TMEM117: variants seen among roughly 807,000 people sequenced by gnomAD.
TMEM117 encodes transmembrane protein 117.
Under a neutral mutation model 52.4 loss-of-function variants are expected in TMEM117, and 27 were observed. The ratio of observed to expected loss-of-function variants is 0.51; its 90% CI spans 0.38 to 0.71. The LOEUF is 0.71. Among genes scored for constraint, TMEM117 ranks in the 30% least tolerant of loss-of-function variants. The probability of loss-of-function intolerance (pLI) is 0.00; values close to 1 mark genes in which losing one functional copy is unlikely to be tolerated. For missense variants in TMEM117, 556 were observed against 630.5 expected, an observed-to-expected ratio of 0.88 and a Z score of 1.26; for synonymous variants, 215 against 206.3, an observed-to-expected ratio of 1.04 and a Z score of -0.36.
At chr12:44,397,960 C>T in the TMEM117 span, among the ~76,000 whole-genome samples, 1 of 152,080 alleles carries the variant, frequency 6.6e-6, no homozygotes, top group African/African-American at 2.4e-5. Context: ...GGCATTTTAC[C>T]ATCAGTTACC....
At chr12:43,932,831 A>G (rs903699981) in intron 2 of TMEM117, among the ~76,000 whole-genome samples, 1 of 152,216 alleles carries the variant, frequency 6.6e-6, no homozygotes, top group Non-Finnish European at 1.5e-5. Context: ...TTGCAGGTAC[A>G]AGACACCAGT....
chr12:44,237,617 T>C, intron 5 of TMEM117, among the ~76,000 whole-genome samples: 1 of 152,014 alleles, frequency 6.6e-6, no homozygotes, highest in Non-Finnish European at 1.5e-5. Flanking sequence ...CTTGGGAGGC[T>C]GAGTCAGGAG....
chr12:44,052,417 A>G (rs73089749), intron 3 of TMEM117, among the ~76,000 whole-genome samples: 9,649 of 152,208 alleles, frequency 0.063, 485 homozygotes, highest in African/African-American at 0.14. Context: ...AAGGAGGGTA[A>G]GGAACAGGAG....
intron 4 of TMEM117, among the ~76,000 whole-genome samples, chr12:44,162,844 T>G (rs1011446962): frequency 6.6e-6 from 1 of 152,192 alleles, no homozygotes; most frequent in African/African-American, 2.4e-5. Context: ...CAAAATTAAT[T>G]ATTAAATCAA....
At chr12:44,193,919 C>A (rs538063464) in intron 4 of TMEM117, among the ~76,000 whole-genome samples, 51 of 152,182 alleles carry the variant, frequency 3.4e-4, no homozygotes, top group Non-Finnish European at 2.1e-4. Flanking sequence ...ACTGCATAAT[C>A]AAAAATTACA....
At chr12:44,193,412 C>G (rs947911115) in intron 4 of TMEM117, among the ~76,000 whole-genome samples, 1 of 152,184 alleles carries the variant, frequency 6.6e-6, no homozygotes, top group Non-Finnish European at 1.5e-5. Flanking sequence ...TAAAGTGTGA[C>G]TCAAACCCAG....
At chr12:44,100,310 A>G (rs931404098) in intron 3 of TMEM117, among the ~76,000 whole-genome samples, 2 of 152,008 alleles carry the variant, frequency 1.3e-5, no homozygotes, top group Admixed American at 6.6e-5. Context: ...ATTGAGATTT[A>G]TTCTTTTCAT....
intron 2 of TMEM117, among the ~76,000 whole-genome samples, chr12:43,910,136 C>G (rs1258251273): frequency 8.0e-5 from 11 of 137,824 alleles, no homozygotes; most frequent in African/African-American, 2.6e-4. Context: ...CATCAAAAAG[C>G]TTATCCACCA....
At chr12:44,212,947 A>G (rs1323874897) in intron 5 of TMEM117, among the ~76,000 whole-genome samples, 1 of 152,172 alleles carries the variant, frequency 6.6e-6, no homozygotes, top group Non-Finnish European at 1.5e-5. Flanking sequence ...TAACAGGTAA[A>G]CAAAAGTGGA....
At chr12:43,871,647 AT>A (rs1943706974) in intron 2 of TMEM117, among the ~76,000 whole-genome samples, 1 of 152,226 alleles carries the variant, frequency 6.6e-6, no homozygotes, top group South Asian at 2.1e-4. Context: ...TAGGTAAGCC[AT>A]TACAGAGCAG....
At chr12:44,069,872 TTTG>T (rs539075054) in intron 3 of TMEM117, among the ~76,000 whole-genome samples, 4 of 152,180 alleles carry the variant, frequency 2.6e-5, no homozygotes, top group East Asian at 1.9e-4. Flanking sequence ...TTCAGGCTCT[TTTG>T]TTGTTGTTGT....
chr12:44,021,021 A>T (rs889971334), intron 3 of TMEM117, among the ~76,000 whole-genome samples: 3 of 152,162 alleles, frequency 2.0e-5, no homozygotes, highest in Non-Finnish European at 4.4e-5. Flanking sequence ...AAGAGGAGGA[A>T]AACTCATGGA....
intron 5 of TMEM117, among the ~76,000 whole-genome samples, chr12:44,227,599 T>G (rs1017836730): frequency 6.6e-6 from 1 of 152,268 alleles, no homozygotes; most frequent in Middle Eastern, 3.4e-3. Context: ...CAGAACAAAC[T>G]TTACTGAAAA....
At chr12:44,190,810 T>G (rs1949341205) in intron 4 of TMEM117, among the ~76,000 whole-genome samples, 1 of 151,190 alleles carries the variant, frequency 6.6e-6, no homozygotes. Flanking sequence ...ATGAATGTAT[T>G]TCTTATGGAA....
chr12:43,856,651 T>C (rs982873001), intron 2 of TMEM117, among the ~76,000 whole-genome samples: 1 of 152,226 alleles, frequency 6.6e-6, no homozygotes, highest in African/African-American at 2.4e-5. Context: ...TCATTCAGCA[T>C]AATTTTGAAA....
At position 44,322,414 on chromosome 12, in the gene TMEM117, T is replaced by A. The variant is rs528375122; in HGVS notation, c.768+22675T>A. Among the ~76,000 whole-genome samples the A allele has an allele frequency of 8.5e-5, 13 of 152,210 alleles. No individual in the cohort carries two copies. In the South Asian group the frequency reaches 2.1e-3, roughly 24 times the overall value. On this transcript the variant is annotated intron_variant, in intron 6 of 7. Coordinates refer to ENST00000266534, the MANE Select transcript of TMEM117 (RefSeq NM_032256.3). Reference sequence around the variant, plus strand: ...CACCCTCTCTGTTTTCTTCTCAGAGTTGCAGAAAGCTTCATTTCGCTACTA... The same window carrying A: ...CACCCTCTCTGTTTTCTTCTCAGAGATGCAGAAAGCTTCATTTCGCTACTA...
chr12:44,178,241 A>G (rs1949143008), intron 4 of TMEM117, among the ~76,000 whole-genome samples: 1 of 152,178 alleles, frequency 6.6e-6, no homozygotes, highest in African/African-American at 2.4e-5. Flanking sequence ...CCCATATTGA[A>G]TGCACTGACA....
chr12:43,818,706 G>A, the TMEM117 span, among the ~76,000 whole-genome samples: 4 of 152,166 alleles, frequency 2.6e-5, no homozygotes, highest in Non-Finnish European at 5.9e-5. Context: ...GCTTCTCAAA[G>A]TGCTGGGATT....
At chr12:44,355,443 C>T (rs1171366853) in intron 6 of TMEM117, among the ~76,000 whole-genome samples, 5 of 152,068 alleles carry the variant, frequency 3.3e-5, no homozygotes, top group Middle Eastern at 3.4e-3. Context: ...CAGTATTTAC[C>T]TTGAATCAGG....
Sources: gnomAD v4.1 joint callset for allele counts (sites outside exome capture counted in the v4.1 genomes callset) on GRCh38, gnomAD v4.1.1 for gene constraint, MANE v1.5 for transcripts, NCBI Gene and HGNC (gene_info 2026-07-23, HGNC 2026-07-21) for gene names.